CLSTN2: variants seen among roughly 807,000 people sequenced by gnomAD.
CLSTN2 encodes calsyntenin-2.
A neutral mutation model predicts 101.2 loss-of-function variants in CLSTN2; 48 were observed. The observed-to-expected ratio is 0.47, with a 90% CI of 0.38 to 0.60. CLSTN2 has a LOEUF of 0.60. CLSTN2 is among the 20% of genes least tolerant of loss of function. The probability of loss-of-function intolerance (pLI) is 0.00; values close to 1 mark genes in which losing one functional copy is unlikely to be tolerated. For synonymous variants in CLSTN2, 481 were observed against 463.6 expected (o/e 1.04, Z -0.48); for missense variants, 1,160 against 1,238.2 (o/e 0.94, Z 0.95).
intron 9 of CLSTN2, among the ~76,000 whole-genome samples, chr3:140,543,072 A>C (rs562369847): frequency 2.2e-4 from 34 of 152,308 alleles, no homozygotes; most frequent in African/African-American, 6.7e-4. Flanking sequence ...AGTTTTATGA[A>C]GATTCCATGA....
intron 2 of CLSTN2, among the ~76,000 whole-genome samples, chr3:140,248,652 A>G (rs2107873737): frequency 6.6e-6 from 1 of 152,336 alleles, no homozygotes; most frequent in Non-Finnish European, 1.5e-5. Context: ...ACAGGCGTGG[A>G]GGCCTGGTAA....
intron 1 of CLSTN2, among the ~76,000 whole-genome samples, chr3:139,971,936 G>A (rs183993420): frequency 9.1e-4 from 138 of 152,150 alleles, no homozygotes; most frequent in African/African-American, 2.9e-3. Flanking sequence ...GTGTTGAGGA[G>A]GGTCAGGGAG....
At chr3:140,233,847 C>T (rs2086392703) in intron 2 of CLSTN2, among the ~76,000 whole-genome samples, 1 of 152,328 alleles carries the variant, frequency 6.6e-6, no homozygotes, top group South Asian at 2.1e-4. Context: ...GAATGGGGTG[C>T]TGCAAGCTGT....
At chr3:140,143,234 CAT>C (rs1560107924) in intron 1 of CLSTN2, among the ~76,000 whole-genome samples, 1 of 152,102 alleles carries the variant, frequency 6.6e-6, no homozygotes, top group Non-Finnish European at 1.5e-5. Flanking sequence ...TTTTTGTGTG[CAT>C]GTGTGTGTGG....
At chr3:140,530,612 C>T (rs183562045) in intron 8 of CLSTN2, among the ~76,000 whole-genome samples, 1 of 152,346 alleles carries the variant, frequency 6.6e-6, no homozygotes, top group African/African-American at 2.4e-5. Context: ...GAGGATTATT[C>T]TCCATCCAGC....
intron 2 of CLSTN2, among the ~76,000 whole-genome samples, chr3:140,221,506 C>T (rs1217602239): frequency 6.6e-6 from 1 of 151,938 alleles, no homozygotes; most frequent in East Asian, 1.9e-4. Context: ...TGGCAGTTAA[C>T]ACTTCTATAC....
At chr3:139,937,757 A>G (rs1935053261) in intron 1 of CLSTN2, among the ~76,000 whole-genome samples, 2 of 151,998 alleles carry the variant, frequency 1.3e-5, no homozygotes, top group African/African-American at 4.8e-5. Context: ...AAACAAACAA[A>G]CAAACAAACA....
chr3:139,981,706 T>C (rs1935925847), intron 1 of CLSTN2, among the ~76,000 whole-genome samples: 1 of 152,254 alleles, frequency 6.6e-6, no homozygotes, highest in Non-Finnish European at 1.5e-5. Flanking sequence ...GCTATGTAGC[T>C]GCTTTGTGAG....
At chr3:140,376,579 A>G (rs1293303240) in intron 2 of CLSTN2, among the ~76,000 whole-genome samples, 2 of 152,204 alleles carry the variant, frequency 1.3e-5, no homozygotes, top group Non-Finnish European at 2.9e-5. Context: ...TAAACTCTAC[A>G]TGGATTTTGC....
At chr3:140,017,876 C>A (rs993835552) in intron 1 of CLSTN2, among the ~76,000 whole-genome samples, 1 of 152,222 alleles carries the variant, frequency 6.6e-6, no homozygotes, top group Non-Finnish European at 1.5e-5. Flanking sequence ...GACCTGGGAG[C>A]GGCTTTATTG....
chr3:140,424,347 T>C (rs565466430), intron 5 of CLSTN2, among the ~76,000 whole-genome samples: 2 of 152,308 alleles, frequency 1.3e-5, no homozygotes, highest in East Asian at 3.9e-4. Context: ...CCATAAGGCC[T>C]TTCTAGCATT....
At chr3:140,272,196 A>ACCCC in intron 2 of CLSTN2, among the ~76,000 whole-genome samples, 1 of 152,138 alleles carries the variant, frequency 6.6e-6, no homozygotes, top group Non-Finnish European at 1.5e-5. Flanking sequence ...GGGGGAAAAA[A>ACCCC]CAGTTTTTGA....
chr3:140,375,759 T>C (rs938190870), intron 2 of CLSTN2, among the ~76,000 whole-genome samples: 1 of 152,246 alleles, frequency 6.6e-6, no homozygotes, highest in African/African-American at 2.4e-5. Flanking sequence ...TTACATGTTG[T>C]TTTAAATGAT....
chr3:140,257,032 T>A (rs568082811), intron 2 of CLSTN2, among the ~76,000 whole-genome samples: 1 of 152,316 alleles, frequency 6.6e-6, no homozygotes, highest in South Asian at 2.1e-4. Context: ...CTCACGCTTG[T>A]AATCCCAGCA....
At chr3:139,951,436 CT>C (rs1443179285) in intron 1 of CLSTN2, among the ~76,000 whole-genome samples, 1 of 152,156 alleles carries the variant, frequency 6.6e-6, no homozygotes, top group Non-Finnish European at 1.5e-5. Flanking sequence ...TGGAAGACCA[CT>C]TGGGGAGCCC....
chr3:140,375,477 C>A (rs918051363), intron 2 of CLSTN2, among the ~76,000 whole-genome samples: 1 of 152,212 alleles, frequency 6.6e-6, no homozygotes, highest in African/African-American at 2.4e-5. Context: ...GCCTCATGAC[C>A]AAATGAGCTC....
At chr3:140,255,743 T>A (rs2086598785) in intron 2 of CLSTN2, among the ~76,000 whole-genome samples, 1 of 152,138 alleles carries the variant, frequency 6.6e-6, no homozygotes, top group Admixed American at 6.6e-5. Flanking sequence ...CCTGCACATA[T>A]ACCCCTTGAA....
intron 1 of CLSTN2, among the ~76,000 whole-genome samples, chr3:140,170,004 G>A (rs893277808): frequency 1.8e-4 from 27 of 152,072 alleles, no homozygotes; most frequent in Non-Finnish European, 5.9e-5. Flanking sequence ...ACATAATTGA[G>A]CTCAGAAGAA....
chr3:140,320,422 A>G (rs902314200), intron 2 of CLSTN2, among the ~76,000 whole-genome samples: 5 of 152,182 alleles, frequency 3.3e-5, no homozygotes, highest in Non-Finnish European at 7.3e-5. Context: ...AGGACTAATA[A>G]GGAAAATGAT....
Sources: allele counts gnomAD v4.1 joint callset (sites outside exome capture counted in the v4.1 genomes callset), GRCh38; gene constraint gnomAD v4.1.1; transcripts MANE v1.5; gene names NCBI Gene and HGNC (gene_info 2026-07-23, HGNC 2026-07-21).